Variants in DYM observed in about 807,000 individuals in gnomAD.
DYM encodes the protein dymeclin.
Under a neutral mutation model 93.1 loss-of-function variants are expected in DYM, and 78 were observed. The ratio of observed to expected loss-of-function variants is 0.84; its 90% confidence interval spans 0.70 to 1.01. DYM has a LOEUF of 1.01. DYM is among the 50% of genes least tolerant of loss of function. The pLI is 0.00. For synonymous variants in DYM, 321 were observed against 319.7 expected, an observed-to-expected ratio of 1.00 and a Z score of -0.04; for missense variants, 789 against 845.0, an observed-to-expected ratio of 0.93 and a Z score of 0.82.
At position 49,391,660 on chromosome 18, in the gene DYM, G is replaced by A. The variant is rs2069267586; in HGVS notation, c.141-15C>T. On this transcript the variant is annotated splice_polypyrimidine_tract_variant and intron_variant, in intron 2 of 17. Transcript: ENST00000675505. ...TCAACTCACTACTGGAGAGACAGAA[G>A]AATAAAGGTAATTAATGACTATAAT... 6.2e-7 allele frequency: 1 copy of A among 1,607,986 alleles called. No homozygotes were observed. Among genetic ancestry groups the A allele is most frequent in the Admixed American group, 1.7e-5 (1 of 59,974 alleles).
chr18:49,056,955 A>T (rs976196075), intron 17 of DYM, among the ~76,000 whole-genome samples: 1 of 152,202 alleles, frequency 6.6e-6, no homozygotes, highest in African/African-American at 2.4e-5. Flanking sequence ...TCAGCCTCCC[A>T]AAGTGCTGGG....
At chr18:49,314,871 G>A (rs1475441550) in intron 8 of DYM, among the ~76,000 whole-genome samples, 1 of 152,110 alleles carries the variant, frequency 6.6e-6, no homozygotes, top group Non-Finnish European at 1.5e-5. Flanking sequence ...TTTTCTGTTT[G>A]GCTCACTCTT....
intron 1 of DYM, among the ~76,000 whole-genome samples, chr18:49,445,131 C>T (rs1039063490): frequency 6.6e-6 from 1 of 152,146 alleles, no homozygotes; most frequent in Non-Finnish European, 1.5e-5. Flanking sequence ...AATGTTTTCT[C>T]TCTTGTTATG....
chr18:49,317,044 T>TA (rs2061989269), intron 8 of DYM, among the ~76,000 whole-genome samples: 1 of 152,172 alleles, frequency 6.6e-6, no homozygotes, highest in African/African-American at 2.4e-5. Context: ...GAATAAACCC[T>TA]AAACTATGGA....
rs375102996 is a variant in DYM at position 49,226,920 on chromosome 18, A to G, written c.1461-17205T>C. ...TATAATTCAGCCTGAAAATATTACA[A>G]TTTACCTTTTAATGTCATCCAGAGA... On this transcript the variant is annotated intron_variant, in intron 13 of 17. Transcript: ENST00000675505. Among the ~76,000 whole-genome samples the G allele has an allele frequency of 1.3e-4, 20 of 152,226 alleles. No homozygotes were observed. In the South Asian group the frequency reaches 4.1e-3, roughly 32 times the overall value.
chr18:49,326,892 G>C (rs1435812357), intron 8 of DYM, among the ~76,000 whole-genome samples: 1 of 152,030 alleles, frequency 6.6e-6, no homozygotes, highest in Non-Finnish European at 1.5e-5. Context: ...TACTGTGGTA[G>C]CATAAGCGAT....
chr18:49,068,102 T>C (rs1278412668), intron 17 of DYM, among the ~76,000 whole-genome samples: 6 of 152,248 alleles, frequency 3.9e-5, no homozygotes, highest in African/African-American at 1.4e-4. Context: ...AGTTGGACTT[T>C]CAAGCTTTTT....
intron 17 of DYM, among the ~76,000 whole-genome samples, chr18:49,065,930 C>G (rs1231962777): frequency 6.6e-6 from 1 of 152,016 alleles, no homozygotes; most frequent in African/African-American, 2.4e-5. Context: ...GTGATTTTTA[C>G]CTTCATTGGA....
chr18:49,167,909 T>A (rs1009503099), intron 14 of DYM, among the ~76,000 whole-genome samples: 1 of 152,106 alleles, frequency 6.6e-6, no homozygotes, highest in Non-Finnish European at 1.5e-5. Flanking sequence ...ACAGAATGGG[T>A]AAATAAACTG....
At chr18:49,176,728 G>A (rs1421257483) in intron 14 of DYM, among the ~76,000 whole-genome samples, 1 of 151,582 alleles carries the variant, frequency 6.6e-6, no homozygotes, top group Non-Finnish European at 1.5e-5. Context: ...TTCCAATTTT[G>A]ACTAGATTTG....
At position 49,327,513 on chromosome 18, in the gene DYM, C is replaced by T. The variant is rs540068821; in HGVS notation, c.763+4351G>A. Among the ~76,000 whole-genome samples, 26 of 152,086 alleles carry T rather than the reference C, an allele frequency of 1.7e-4. No individual in the cohort carries two copies. In the South Asian group the frequency reaches 2.3e-3, roughly 13 times the overall value. ...CGGGGTCTGCAGGCGCGCACCACCA[C>T]GTCCAGCTAATTTTTGTGTTTTTTA... On this transcript the variant is annotated intron_variant, in intron 8 of 17. Transcript: ENST00000675505.
At chr18:49,314,441 C>T (rs1216653259) in intron 8 of DYM, among the ~76,000 whole-genome samples, 1 of 152,182 alleles carries the variant, frequency 6.6e-6, no homozygotes, top group Admixed American at 6.5e-5. Flanking sequence ...TCTATATGGG[C>T]TTCCTGGTAC....
intron 17 of DYM, among the ~76,000 whole-genome samples, chr18:49,056,704 AT>A (rs71165363): frequency 0.12 from 16,853 of 143,202 alleles, 1,291 homozygotes; most frequent in East Asian, 0.26. Context: ...CAACTGGGTA[AT>A]TTTTTTTTTT....
chr18:49,108,855 T>G (rs1355968985), intron 16 of DYM, among the ~76,000 whole-genome samples: 1 of 152,214 alleles, frequency 6.6e-6, no homozygotes, highest in Non-Finnish European at 1.5e-5. Context: ...CTTCTTGCCA[T>G]TCTATCAGTT....
chr18:49,216,395 A>G (rs1312233427), intron 13 of DYM, among the ~76,000 whole-genome samples: 1 of 152,150 alleles, frequency 6.6e-6, no homozygotes, highest in Non-Finnish European at 1.5e-5. Context: ...CTTTGAAGAG[A>G]GTAGTGGTTC....
intron 14 of DYM, among the ~76,000 whole-genome samples, chr18:49,172,422 G>A (rs1488895999): frequency 3.3e-5 from 5 of 152,172 alleles, no homozygotes; most frequent in Non-Finnish European, 5.9e-5. Flanking sequence ...CTAAACCGTT[G>A]CACATTCTTG....
At chr18:49,044,894 C>A (rs1196578289) in intron 17 of DYM, among the ~76,000 whole-genome samples, 1 of 152,278 alleles carries the variant, frequency 6.6e-6, no homozygotes, top group Non-Finnish European at 1.5e-5. Context: ...AAACTCCAGT[C>A]CTCTGTTATG....
chr18:49,096,979 G>A lies in DYM; in HGVS notation c.2025+423C>T, dbSNP rs576033222. On this transcript the variant is annotated intron_variant, in intron 17 of 17. Coordinates refer to ENST00000675505, the MANE Select transcript of DYM (RefSeq NM_001353214.3). Reference sequence around the variant, plus strand: ...AATTAGGATGATACCACTACCCACCGCAAAGGGCTGTGGTAGGGACTGAAT... The same window carrying A: ...AATTAGGATGATACCACTACCCACCACAAAGGGCTGTGGTAGGGACTGAAT... Among the ~76,000 whole-genome samples the A allele has an allele frequency of 1.1e-4, 16 of 152,200 alleles. No individual in the cohort carries two copies. The South Asian group carries it at 1.9e-3, about 18-fold the overall frequency.
chr18:49,159,028 C>A (rs866693200), intron 15 of DYM, among the ~76,000 whole-genome samples: 2 of 151,848 alleles, frequency 1.3e-5, no homozygotes, highest in Middle Eastern at 3.4e-3. Flanking sequence ...TACTATCTAC[C>A]CATAAAAATT....
Sources: gnomAD v4.1 joint callset for allele counts (sites outside exome capture counted in the v4.1 genomes callset) on GRCh38, gnomAD v4.1.1 for gene constraint, MANE v1.5 for transcripts, NCBI Gene and HGNC (gene_info 2026-07-23, HGNC 2026-07-21) for gene names.